SLC9C1: variants seen among roughly 807,000 people sequenced by gnomAD.
SLC9C1 encodes the protein sodium/hydrogen exchanger 10.
SLC9C1 carries 97 observed loss-of-function variants against 140.9 expected under a neutral mutation model. The ratio of observed to expected loss-of-function variants is 0.69; its 90% confidence interval spans 0.58 to 0.82. The LOEUF (loss-of-function observed/expected upper bound fraction) is 0.82, where lower values mean the gene tolerates loss of function less well. Ranked by LOEUF, SLC9C1 falls within the 40% of genes least tolerant of loss-of-function variation. The pLI, the probability that SLC9C1 is intolerant of heterozygous loss-of-function variation, is 0.00. For missense variants in SLC9C1, 1,340 were observed against 1,389.3 expected (o/e 0.96, Z 0.56); for synonymous variants, 440 against 442.6 (o/e 0.99, Z 0.07).
At chr3:112,223,700 A>C (rs2078603808) in intron 13 of SLC9C1, among the ~76,000 whole-genome samples, 1 of 152,206 alleles carries the variant, frequency 6.6e-6, no homozygotes, top group African/African-American at 2.4e-5. Flanking sequence ...GAGATATCAA[A>C]ATACAACAGC....
intron 12 of SLC9C1, among the ~76,000 whole-genome samples, chr3:112,238,257 G>A (rs2079046000): frequency 6.6e-6 from 1 of 152,176 alleles, no homozygotes; most frequent in South Asian, 2.1e-4. Context: ...ATCGGCTACT[G>A]AAGCTTGTGC....
intron 3 of SLC9C1, 26 bp downstream of exon 3, chr3:112,280,657 G>T: frequency 6.4e-7 from 1 of 1,556,706 alleles, no homozygotes; most frequent in Non-Finnish European, 8.7e-7. Flanking sequence ...AATAAATAGT[G>T]TAAAATACTC....
chr3:112,180,189 G>A (rs1015583645), intron 22 of SLC9C1, among the ~76,000 whole-genome samples: 1 of 152,086 alleles, frequency 6.6e-6, no homozygotes. Flanking sequence ...ATTTCATAAA[G>A]TTTTCTTTAA....
chr3:112,157,852 C>A (rs1405179533), intron 26 of SLC9C1, among the ~76,000 whole-genome samples: 1 of 151,468 alleles, frequency 6.6e-6, no homozygotes, highest in Non-Finnish European at 1.5e-5. Context: ...ATGCTACTGA[C>A]TTTTTGTATG....
Position 112,189,879 on chromosome 3 carries a change from T to C in SLC9C1, c.2524-7621A>G, listed in dbSNP as rs151188417. ...TCTATCCATGAGCATGGAATGTTTT[T>C]CCATTTGTTTGTGTCCTCTTTTATT... On this transcript the variant is annotated intron_variant, in intron 20 of 28. Coordinates refer to ENST00000305815, the MANE Select transcript of SLC9C1 (RefSeq NM_183061.3). Among the ~76,000 whole-genome samples, 674 of 152,358 alleles carry C rather than the reference T, an allele frequency of 4.4e-3. 6 individuals are homozygous for C. Among genetic ancestry groups the C allele is most frequent in the African/African-American group, 0.014 (594 of 41,594 alleles).
At chr3:112,240,991 G>A (rs556293828) in intron 11 of SLC9C1, among the ~76,000 whole-genome samples, 31 of 147,816 alleles carry the variant, frequency 2.1e-4, no homozygotes, top group East Asian at 1.7e-3. Context: ...GTGGTGGGGG[G>A]ATGGGGGCAG....
intron 28 of SLC9C1, among the ~76,000 whole-genome samples, chr3:112,142,608 A>G (rs1047652854): frequency 6.6e-6 from 1 of 152,178 alleles, no homozygotes; most frequent in Non-Finnish European, 1.5e-5. Flanking sequence ...TTTTTGAGGT[A>G]AAAGAGATCA....
chr3:112,260,553 T>C (rs956275320), intron 10 of SLC9C1, among the ~76,000 whole-genome samples: 4 of 152,158 alleles, frequency 2.6e-5, no homozygotes, highest in Non-Finnish European at 2.9e-5. Flanking sequence ...GATTACATTG[T>C]CTTCCTGTAA....
intron 26 of SLC9C1, among the ~76,000 whole-genome samples, chr3:112,156,814 T>C (rs2107870265): frequency 6.6e-6 from 1 of 152,218 alleles, no homozygotes; most frequent in South Asian, 2.1e-4. Flanking sequence ...TGTTGGTCAT[T>C]TGCATGTCTT....
intron 20 of SLC9C1, among the ~76,000 whole-genome samples, chr3:112,188,585 A>G (rs1036915244): frequency 6.6e-6 from 1 of 152,196 alleles, no homozygotes; most frequent in Non-Finnish European, 1.5e-5. Flanking sequence ...TTATGGCTGC[A>G]TAGTATTCCA....
chr3:112,268,203 A>T (rs1407101400), intron 7 of SLC9C1, among the ~76,000 whole-genome samples: 1 of 152,120 alleles, frequency 6.6e-6, no homozygotes, highest in Admixed American at 6.5e-5. Context: ...CACATGAGGA[A>T]CCCACCTGAA....
At chr3:112,219,585 A>G (rs2078482519) in intron 14 of SLC9C1, among the ~76,000 whole-genome samples, 1 of 151,984 alleles carries the variant, frequency 6.6e-6, no homozygotes, top group African/African-American at 2.4e-5. Flanking sequence ...TTTTATTTTT[A>G]TTTTTATTTT....
intron 28 of SLC9C1, among the ~76,000 whole-genome samples, chr3:112,142,043 G>A (rs1271249901): frequency 9.2e-5 from 14 of 152,228 alleles, no homozygotes; most frequent in African/African-American, 3.1e-4. Flanking sequence ...TGCCTTGGAC[G>A]TTTTGTACAC....
chr3:112,186,364 T>A (rs986086365), intron 20 of SLC9C1, among the ~76,000 whole-genome samples: 1 of 152,192 alleles, frequency 6.6e-6, no homozygotes, highest in African/African-American at 2.4e-5. Context: ...CTGGAATTGA[T>A]TTTTTGTGTA....
chr3:112,271,823 C>T (rs1384259774), intron 6 of SLC9C1, among the ~76,000 whole-genome samples: 1 of 152,064 alleles, frequency 6.6e-6, no homozygotes, highest in Admixed American at 6.6e-5. Context: ...AGTGACTGAT[C>T]GCTTCCTTAT....
At chr3:112,149,236 T>G (rs2074889476) in intron 28 of SLC9C1, among the ~76,000 whole-genome samples, 1 of 152,018 alleles carries the variant, frequency 6.6e-6, no homozygotes, top group African/African-American at 2.4e-5. Context: ...TGCCTGGTCA[T>G]GGAGCAGAGA....
intron 21 of SLC9C1, among the ~76,000 whole-genome samples, chr3:112,181,035 C>T (rs2077430159): frequency 6.6e-6 from 1 of 152,070 alleles, no homozygotes. Flanking sequence ...GGATTACAGG[C>T]GTGAGCCACC....
chr3:112,144,721 G>A (rs2074734771), intron 28 of SLC9C1, among the ~76,000 whole-genome samples: 1 of 152,126 alleles, frequency 6.6e-6, no homozygotes, highest in African/African-American at 2.4e-5. Context: ...GTAAATGGGA[G>A]TGTGTTCTTG....
intron 6 of SLC9C1, among the ~76,000 whole-genome samples, chr3:112,271,236 T>C (rs1172475404): frequency 6.6e-6 from 1 of 152,004 alleles, no homozygotes; most frequent in African/African-American, 2.4e-5. Flanking sequence ...AAAGCAGTAA[T>C]AAGTTTTCAG....
Sources: allele counts gnomAD v4.1 joint callset (sites outside exome capture counted in the v4.1 genomes callset), GRCh38; gene constraint gnomAD v4.1.1; transcripts MANE v1.5; gene names NCBI Gene and HGNC (gene_info 2026-07-23, HGNC 2026-07-21).